The following ANK3 variants were observed in gnomAD, a reference collection of about 807,000 sequenced individuals.
ANK3 encodes the protein ankyrin-3.
ANK3 carries 57 observed loss-of-function variants against 370.9 expected under a neutral mutation model. The ratio of observed to expected loss-of-function variants is 0.15; its 90% CI spans 0.12 to 0.19. The LOEUF (loss-of-function observed/expected upper bound fraction) is 0.19. Ranked by LOEUF, ANK3 falls within the 10% of genes least tolerant of loss-of-function variation. The probability of loss-of-function intolerance (pLI) is 1.00; values close to 1 mark genes in which losing one functional copy is unlikely to be tolerated. For missense variants in ANK3, 4,439 were observed against 5,302.1 expected (o/e 0.84, Z 5.06); for synonymous variants, 1,929 against 1,946.3 (o/e 0.99, Z 0.23).
intron 1 of ANK3, among the ~76,000 whole-genome samples, chr10:60,303,550 A>G (rs2044289621): frequency 6.6e-6 from 1 of 152,120 alleles, no homozygotes; most frequent in Non-Finnish European, 1.5e-5. Context: ...ATGACCTCAC[A>G]CCACTTAGAA....
intron 1 of ANK3, among the ~76,000 whole-genome samples, chr10:60,690,228 C>G (rs1020491607): frequency 6.6e-6 from 1 of 152,148 alleles, no homozygotes; most frequent in Admixed American, 6.5e-5. Context: ...CTCATTGGGA[C>G]TGGTTGGACA....
intron 23 of ANK3, among the ~76,000 whole-genome samples, chr10:60,165,971 C>G (rs191459045): frequency 6.6e-6 from 1 of 152,136 alleles, no homozygotes; most frequent in Non-Finnish European, 1.5e-5. Flanking sequence ...ATTGATATAT[C>G]TGTATATCAT....
intron 23 of ANK3, among the ~76,000 whole-genome samples, chr10:60,166,301 G>T (rs1186778395): frequency 6.6e-6 from 1 of 151,940 alleles, no homozygotes; most frequent in South Asian, 2.1e-4. Flanking sequence ...AACAATAAAA[G>T]CATCAGTATT....
intron 1 of ANK3, among the ~76,000 whole-genome samples, chr10:60,640,699 A>C (rs2078620265): frequency 1.3e-5 from 1 of 79,130 alleles, no homozygotes; most frequent in African/African-American, 4.1e-5. Flanking sequence ...ATGGGCAAAA[A>C]CTGGAAGCAT....
At chr10:60,234,175 T>C (rs1163999457) in intron 8 of ANK3, among the ~76,000 whole-genome samples, 1 of 152,240 alleles carries the variant, frequency 6.6e-6, no homozygotes, top group Non-Finnish European at 1.5e-5. Context: ...CTCTTGCCTA[T>C]TGCTGCTATG....
intron 1 of ANK3, among the ~76,000 whole-genome samples, chr10:60,375,384 C>T (rs2132806222): frequency 6.6e-6 from 1 of 152,198 alleles, no homozygotes; most frequent in African/African-American, 2.4e-5. Flanking sequence ...ATCACTAGAA[C>T]TGAACTTCTG....
At chr10:60,184,740 C>T (rs749705975) in intron 17 of ANK3, among the ~76,000 whole-genome samples, 1 of 152,142 alleles carries the variant, frequency 6.6e-6, no homozygotes, top group Non-Finnish European at 1.5e-5. Flanking sequence ...GAATTCAAGG[C>T]TGGGCATATA....
chr10:60,679,814 T>G (rs2079171011), intron 1 of ANK3, among the ~76,000 whole-genome samples: 1 of 152,146 alleles, frequency 6.6e-6, no homozygotes, highest in Non-Finnish European at 1.5e-5. Flanking sequence ...GCTCTAAAAC[T>G]TTTAAATAAG....
intron 1 of ANK3, among the ~76,000 whole-genome samples, chr10:60,309,698 A>T (rs1365333322): frequency 6.6e-6 from 1 of 152,198 alleles, no homozygotes; most frequent in African/African-American, 2.4e-5. Flanking sequence ...TCTGTTTAAA[A>T]TACTTGTGAT....
intron 24 of ANK3, chr10:60,138,677 C>T: frequency 4.2e-6 from 2 of 477,206 alleles, no homozygotes; most frequent in Non-Finnish European, 7.3e-6. Context: ...ATTGGTTCTC[C>T]CAGTTTTGTC....
rs1485994054 is a variant in ANK3 at position 60,196,610 on chromosome 10, G to T, written c.1705C>A (p.Leu569Ile). 1.3e-6 allele frequency: 2 copies of T among 1,596,652 alleles called. No individual in the cohort carries two copies. Among genetic ancestry groups the T allele is most frequent in the Non-Finnish European group, 1.7e-6 (2 of 1,169,754 alleles). ...SITTKKGFTP[L>I]HVAAKYGKLE... The stretch of plus-strand genomic sequence containing the variant: ...TTTCCATATTTTGCTGCCACATGAA[G>T]AGGAGTAAATCCTTTCTGAAAAAAA... Residue 569 changes from leucine to isoleucine, a missense_variant, in exon 15 of 44, where the codon CTT (leucine) becomes ATT (isoleucine). Around this residue, in one of 13 missense-constraint regions of ANK3, gnomAD observed 192 missense variants for 192.1 expected, o/e 1.00. Transcript: ENST00000280772.
chr10:60,141,582 T>TG (rs2094569355), intron 23 of ANK3, among the ~76,000 whole-genome samples: 1 of 148,352 alleles, frequency 6.7e-6, no homozygotes, highest in Non-Finnish European at 1.5e-5. Context: ...TTTTTTTTTT[T>TG]TTTTGCTTCC....
At chr10:60,611,432 C>T (rs1231381399) in intron 2 of ANK3, among the ~76,000 whole-genome samples, 3 of 152,118 alleles carry the variant, frequency 2.0e-5, no homozygotes, top group African/African-American at 7.2e-5. Context: ...AGGGCAGCCT[C>T]GCACTGGAAT....
Position 60,064,237 on chromosome 10 carries a change from A to T in ANK3, c.12371T>A (p.Val4124Glu). The T allele has an allele frequency of 6.3e-7, 1 of 1,582,410 alleles. No individual in the cohort carries two copies. Among genetic ancestry groups the T allele is most frequent in the Non-Finnish European group, 8.5e-7 (1 of 1,170,862 alleles). Residue 4124 changes from valine to glutamate, a missense_variant, in exon 39 of 44, where the codon GTG becomes GAG. Transcript: ENST00000280772. ...AGAAATTAAAGAATTTGGATTTTCC[A>T]CACGTATTTGATTGATTTCATCCAC... is the stretch of plus-strand genomic sequence containing the variant. Reference protein sequence around the residue: ...FSVDEINQIRVENPNSLISQS... With the variant: ...FSVDEINQIREENPNSLISQS...
chr10:60,485,596 A>G (rs2075327738), intron 2 of ANK3, among the ~76,000 whole-genome samples: 1 of 152,178 alleles, frequency 6.6e-6, no homozygotes, highest in South Asian at 2.1e-4. Context: ...CAGCTCTCTA[A>G]GGGCGGGGTA....
At chr10:60,710,732 A>C (rs2079692776) in intron 1 of ANK3, among the ~76,000 whole-genome samples, 1 of 152,192 alleles carries the variant, frequency 6.6e-6, no homozygotes, top group Admixed American at 6.5e-5. Context: ...GAAGCTGAAA[A>C]GTTCCACAAT....
chr10:60,340,133 A>G (rs1175918995), intron 1 of ANK3, among the ~76,000 whole-genome samples: 1 of 151,982 alleles, frequency 6.6e-6, no homozygotes, highest in African/African-American at 2.4e-5. Context: ...TGCCCAGGCT[A>G]GGGTGCTCTG....
chr10:60,085,999 G>T (rs2086610311), intron 30 of ANK3, among the ~76,000 whole-genome samples: 1 of 151,938 alleles, frequency 6.6e-6, no homozygotes, highest in African/African-American at 2.4e-5. Context: ...AATTACCGAG[G>T]GTAAAAAGGG....
In ANK3 at chr10:60,571,388, A is replaced by C. The variant is rs894584690; in HGVS notation, c.96+43798T>G. ...TAAACAGATTATGAACATTTTTTTA[A>C]ACGCCTGATATATTCCACGAGTAGC... is the stretch of plus-strand genomic sequence containing the variant. On this transcript the variant is annotated intron_variant, in intron 2 of 43. Coordinates refer to the ANK3 transcript ENST00000373827. Among the ~76,000 whole-genome samples the C allele has an allele frequency of 3.3e-5, 5 of 152,146 alleles. No homozygotes were observed. In the East Asian group the frequency reaches 7.7e-4, roughly 23 times the overall value.
Sources: allele counts gnomAD v4.1 joint callset (sites outside exome capture counted in the v4.1 genomes callset), GRCh38; gene constraint gnomAD v4.1.1; regional missense constraint gnomAD v4.1.1; transcripts MANE v1.5; gene names NCBI Gene and HGNC (gene_info 2026-07-23, HGNC 2026-07-21).